The following TNFRSF1B variants were observed in gnomAD, a reference collection of about 807,000 sequenced individuals.
The protein encoded by TNFRSF1B is TNF receptor superfamily member 1B, also known as tumor necrosis factor receptor superfamily member 1B.
Under a neutral mutation model 44.6 loss-of-function variants are expected in TNFRSF1B, and 19 were observed. That is an observed-to-expected ratio of 0.43 (90% CI 0.30 to 0.62). The LOEUF (loss-of-function observed/expected upper bound fraction) is 0.62. TNFRSF1B is among the 20% of genes least tolerant of loss of function. The pLI is 0.16. For missense variants in TNFRSF1B, 541 were observed against 619.9 expected (o/e 0.87, Z 1.35); for synonymous variants, 252 against 261.1 (o/e 0.97, Z 0.34).
chr1:12,174,274 G>T (rs1241725520), intron 1 of TNFRSF1B, among the ~76,000 whole-genome samples: 1 of 126,274 alleles, frequency 7.9e-6, no homozygotes, highest in African/African-American at 2.9e-5. Flanking sequence ...TTCTGATGGA[G>T]TCTGACTCCG....
Position 12,167,026 on chromosome 1 carries a change from G to A in TNFRSF1B, c.-66G>A, listed in dbSNP as rs1638397858. On this transcript the variant is annotated 5_prime_UTR_variant, in exon 1 of 10. Coordinates refer to ENST00000376259, the MANE Select transcript of TNFRSF1B (RefSeq NM_001066.3). ...TAGCGAGCGCAGCGGAGCCTGGAGA[G>A]AAGGCGCTGGGCTGCGAGGGCGCGA... The A allele has an allele frequency of 8.8e-7, 1 of 1,139,566 alleles. No individual in the cohort carries two copies. The highest frequency in any genetic ancestry group is 3.0e-5 in the South Asian group (1 of 33,420). 70.6% of individuals were successfully genotyped at this position (1,139,566 alleles called of 1,614,324 possible). A position where few individuals can be genotyped will look rare whatever the true frequency, so the allele number is the denominator to read the frequency against.
intron 1 of TNFRSF1B, among the ~76,000 whole-genome samples, chr1:12,176,178 C>T (rs1197967464): frequency 1.3e-5 from 2 of 152,136 alleles, no homozygotes; most frequent in African/African-American, 4.8e-5. Context: ...GAGATCGCAC[C>T]ATTGCACTCC....
intron 1 of TNFRSF1B, among the ~76,000 whole-genome samples, chr1:12,174,160 T>TCTTCTTCTTCTCCTTCTC (rs1553162433): frequency 1.5e-4 from 10 of 67,906 alleles, no homozygotes; most frequent in South Asian, 5.6e-4. Context: ...TTCTTCTTCT[T>TCTTCTTCTTCTCCTTCTC]CTTCTCCTTC....
rs759966102 is a variant in TNFRSF1B at position 12,192,926 on chromosome 1, C to A, written c.615C>A (p.Pro205=). Residue 205 remains proline, a synonymous_variant, in exon 6 of 10, where the codon CCC becomes CCA. Transcript: ENST00000376259. Reference sequence around the variant, plus strand: ...ATGCAGTCTGCACGTCCACGTCCCCCACCCGGAGTATGGCCCCAGGGGCAG... The same window carrying A: ...ATGCAGTCTGCACGTCCACGTCCCCAACCCGGAGTATGGCCCCAGGGGCAG... The part of the protein sequence containing the change: ...SMDAVCTSTS[P]TRSMAPGAVH... 4 of 1,614,074 alleles carry A rather than the reference C, an allele frequency of 2.5e-6. No individual in the cohort carries two copies. Among genetic ancestry groups the A allele is most frequent in the African/African-American group, 1.3e-5 (1 of 74,920 alleles).
In TNFRSF1B at chr1:12,171,927, C is replaced by T. The variant is rs1010097438; in HGVS notation, c.78+4758C>T. Among the ~76,000 whole-genome samples, 28 of 152,086 alleles carry T rather than the reference C, an allele frequency of 1.8e-4. No homozygotes were observed. The highest frequency in any genetic ancestry group is 7.9e-4 in the Admixed American group (12 of 15,264). ...TAATGGCCCTGTTTTACAGATGAGA[C>T]GGGGGTTTGAAAAGTCAGTGGTGGC... On this transcript the variant is annotated intron_variant, in intron 1 of 9. Transcript: ENST00000376259. This position sits in a 1 kb window ranked among gnomAD's most constrained non-coding sequence, Gnocchi z 4.5.
In TNFRSF1B at chr1:12,186,197, T is replaced by C. The variant is rs1225223315; in HGVS notation, c.79-2599T>C. On this transcript the variant is annotated intron_variant, in intron 1 of 9. Transcript: ENST00000376259. This position sits in a 1 kb window ranked among gnomAD's most constrained non-coding sequence, Gnocchi z 4.8. ...ACCGAGGGGTGCAGCCAGGGCAGGG[T>C]GGTGCTGCCTGCCAGGCTGAGGTGG... Among the ~76,000 whole-genome samples, 3 of 151,972 alleles carry C rather than the reference T, an allele frequency of 2.0e-5. No individual in the cohort carries two copies. Among genetic ancestry groups the C allele is most frequent in the African/African-American group, 4.8e-5 (2 of 41,340 alleles).
chr1:12,179,454 T>C (rs1481308741), intron 1 of TNFRSF1B, among the ~76,000 whole-genome samples: 2 of 152,206 alleles, frequency 1.3e-5, no homozygotes, highest in African/African-American at 4.8e-5. Context: ...CGACCCGCCA[T>C]GCAAATGACG....
Position 12,167,014 on chromosome 1 carries a change from G to C in TNFRSF1B, c.-78G>C, listed in dbSNP as rs980382626. On this transcript the variant is annotated 5_prime_UTR_variant, in exon 1 of 10. Transcript: ENST00000376259. ...TCAGTCGAGGGCTAGCGAGCGCAGC[G>C]GAGCCTGGAGAGAAGGCGCTGGGCT... 1.2e-4 allele frequency: 132 copies of C among 1,072,386 alleles called. No homozygotes were observed. The highest frequency in any genetic ancestry group is 1.7e-4 in the Admixed American group (4 of 22,908). 66.4% of individuals were successfully genotyped at this position (1,072,386 alleles called of 1,614,324 possible).
intron 8 of TNFRSF1B, among the ~76,000 whole-genome samples, chr1:12,195,250 T>C (rs1403559789): frequency 1.3e-5 from 2 of 152,210 alleles, no homozygotes; most frequent in Non-Finnish European, 2.9e-5. Flanking sequence ...ATCATAGTAT[T>C]TCATTCATTC....
intron 1 of TNFRSF1B, among the ~76,000 whole-genome samples, chr1:12,174,751 C>T (rs1638613776): frequency 6.6e-6 from 1 of 152,178 alleles, no homozygotes; most frequent in African/African-American, 2.4e-5. Context: ...CTCTTTTGGA[C>T]ACTAGTGGGC....
At position 12,188,894 on chromosome 1, in the gene TNFRSF1B, G is replaced by C. The variant is rs760356408; in HGVS notation, c.177G>C (p.Pro59=). The C allele has an allele frequency of 1.2e-6, 2 of 1,612,806 alleles. No homozygotes were observed. The highest frequency in any genetic ancestry group is 1.7e-6 in the Non-Finnish European group (2 of 1,179,604). ...TAQMCCSKCS[P]GQHAKVFCTK... Reference sequence around the variant, plus strand: ...AGATGTGCTGCAGCAAATGCTCGCCGGGTGAGGGCAGCCACGGGGGCACTC... The same window carrying C: ...AGATGTGCTGCAGCAAATGCTCGCCCGGTGAGGGCAGCCACGGGGGCACTC... Residue 59 remains proline, a splice_region_variant and synonymous_variant, in exon 2 of 10, where the codon CCG becomes CCC. Transcript: ENST00000376259.
chr1:12,171,598 G>A lies in TNFRSF1B; in HGVS notation c.78+4429G>A, dbSNP rs187722583. On this transcript the variant is annotated intron_variant, in intron 1 of 9. Coordinates refer to ENST00000376259, the MANE Select transcript of TNFRSF1B (RefSeq NM_001066.3). This position sits in a 1 kb window ranked among gnomAD's most constrained non-coding sequence, Gnocchi z 4.5. ...GTCTTCCCACAAGATTGTAAGTACC[G>A]TGAGGACAGGGACTCATTCACCACT... 1.3e-5 allele frequency among the ~76,000 whole-genome samples: 2 copies of A among 152,174 alleles called. No individual in the cohort carries two copies. The highest frequency in any genetic ancestry group is 2.1e-4 in the South Asian group (1 of 4,824).
intron 9 of TNFRSF1B, among the ~76,000 whole-genome samples, chr1:12,205,975 G>A (rs1639494376): frequency 1.3e-5 from 2 of 152,134 alleles, no homozygotes; most frequent in South Asian, 4.1e-4. Flanking sequence ...ATGGATGGGT[G>A]TGTGATATGA....
Position 12,187,672 on chromosome 1 carries a change from G to A in TNFRSF1B, c.79-1124G>A, listed in dbSNP as rs1456014956. Among the ~76,000 whole-genome samples, 1 of 152,238 alleles carries A rather than the reference G, an allele frequency of 6.6e-6. No homozygotes were observed. Among genetic ancestry groups the A allele is most frequent in the Non-Finnish European group, 1.5e-5 (1 of 68,046 alleles). ...GGGAAACCGTCTCCATCTTCATTGG[G>A]TGGTTGGGAAGTCTTGCTGAGACCA... is the stretch of plus-strand genomic sequence containing the variant. On this transcript the variant is annotated intron_variant, in intron 1 of 9. Coordinates refer to ENST00000376259, the MANE Select transcript of TNFRSF1B (RefSeq NM_001066.3). The surrounding 1 kb of genome is among the most constrained non-coding windows in gnomAD (Gnocchi z 5.5).
intron 3 of TNFRSF1B, 171 bp from the exon 4 acceptor site, chr1:12,191,603 A>G (rs896938867): frequency 1.2e-5 from 9 of 737,534 alleles, no homozygotes; most frequent in African/African-American, 3.5e-5. Context: ...GGAGAGTAGC[A>G]GGACTGCCGG....
rs1035881703 is a variant in TNFRSF1B, at chr1:12,186,331, G to C, written c.79-2465G>C. On this transcript the variant is annotated intron_variant, in intron 1 of 9. Coordinates refer to ENST00000376259, the MANE Select transcript of TNFRSF1B (RefSeq NM_001066.3). The surrounding 1 kb of genome is among the most constrained non-coding windows in gnomAD (Gnocchi z 4.8). Reference sequence around the variant, plus strand: ...GACTCCCAGGCAGTGCTGTGAGGAAGGGGAGGAGGAGGCACACTGAACCCA... The same window carrying C: ...GACTCCCAGGCAGTGCTGTGAGGAACGGGAGGAGGAGGCACACTGAACCCA... Among the ~76,000 whole-genome samples, 2 of 152,204 alleles carry C rather than the reference G, an allele frequency of 1.3e-5. No homozygotes were observed. The highest frequency in any genetic ancestry group is 4.8e-5 in the African/African-American group (2 of 41,460).
rs554209153 is a variant in TNFRSF1B, at chr1:12,189,558, A to G, written c.178+663A>G. On this transcript the variant is annotated intron_variant, in intron 2 of 9. Coordinates refer to ENST00000376259, the MANE Select transcript of TNFRSF1B (RefSeq NM_001066.3). Reference sequence around the variant, plus strand: ...GACTCCTGGTGCCCTCCATCTATTCATTTGTGTCTGTATTCATTCATGTCA... The same window carrying G: ...GACTCCTGGTGCCCTCCATCTATTCGTTTGTGTCTGTATTCATTCATGTCA... Among the ~76,000 whole-genome samples, 4 of 152,262 alleles carry G rather than the reference A, an allele frequency of 2.6e-5. No individual in the cohort carries two copies. In the East Asian group the frequency reaches 7.7e-4, roughly 29 times the overall value.
intron 8 of TNFRSF1B, among the ~76,000 whole-genome samples, chr1:12,195,450 CTT>C (rs1433180141): frequency 7.9e-5 from 12 of 152,162 alleles, no homozygotes; most frequent in Middle Eastern, 3.2e-3. Flanking sequence ...CTTTTGTTCT[CTT>C]GTTTGTGGCC....
intron 1 of TNFRSF1B, among the ~76,000 whole-genome samples, chr1:12,172,754 T>C (rs1203145201): frequency 2.0e-5 from 3 of 152,372 alleles, no homozygotes; most frequent in East Asian, 3.9e-4. Context: ...GACACTGTAT[T>C]GTGGCAAAGG....
Sources: gnomAD v4.1 joint callset for allele counts (sites outside exome capture counted in the v4.1 genomes callset) on GRCh38, gnomAD v4.1.1 for gene constraint, Gnocchi (gnomAD v3.1) non-coding constraint, MANE v1.5 for transcripts, NCBI Gene and HGNC (gene_info 2026-07-23, HGNC 2026-07-21) for gene names.